Variants in ZFHX3 observed in about 807,000 individuals in gnomAD.
The protein encoded by ZFHX3 is zinc finger homeobox protein 3.
In ZFHX3, 42 loss-of-function variants were observed where a neutral mutation model predicts 279.1. The observed-to-expected ratio is 0.15, with a 90% CI of 0.12 to 0.19. The LOEUF (loss-of-function observed/expected upper bound fraction) is 0.19. Ranked by LOEUF, ZFHX3 falls within the 10% of genes least tolerant of loss-of-function variation. ZFHX3 has a pLI of 1.00. For missense variants in ZFHX3, 4,981 were observed against 4,754.0 expected (o/e 1.05, Z -1.40); for synonymous variants, 2,293 against 1,957.8 (o/e 1.17, Z -4.52).
At chr16:73,616,426 AG>A (rs1414049055) in intron 2 of ZFHX3, among the ~76,000 whole-genome samples, 3 of 121,866 alleles carry the variant, frequency 2.5e-5, no homozygotes, top group African/African-American at 6.6e-5. Flanking sequence ...GCAACTATGG[AG>A]GAAAAAAAAA....
chr16:73,389,886 C>T (rs988594745), intron 3 of ZFHX3, among the ~76,000 whole-genome samples: 4 of 152,126 alleles, frequency 2.6e-5, no homozygotes, highest in African/African-American at 4.8e-5. Flanking sequence ...ACAGTGAAAC[C>T]TCATCTCTAC....
chr16:73,704,741 G>A (rs73599923), intron 1 of ZFHX3, among the ~76,000 whole-genome samples: 3,122 of 152,292 alleles, frequency 0.021, 115 homozygotes, highest in African/African-American at 0.072. Context: ...CAGAGGAGCC[G>A]GGGTATAGCC....
chr16:73,235,378 C>T lies in ZFHX3; in HGVS notation c.-1104+21669G>A, dbSNP rs750589149. The stretch of plus-strand genomic sequence containing the variant: ...TGCCTACATGGTGAGGCACCATGCC[C>T]GGCCACTTTTTCTTTATTTTAACCA... On this transcript the variant is annotated intron_variant, in intron 5 of 17. Coordinates refer to the ZFHX3 transcript ENST00000641206. 6.3e-4 allele frequency among the ~76,000 whole-genome samples: 96 copies of T among 152,298 alleles called. 1 individual carries two copies. Among genetic ancestry groups the T allele is most frequent in the Non-Finnish European group, 1.1e-3 (72 of 68,032 alleles).
intron 2 of ZFHX3, among the ~76,000 whole-genome samples, chr16:73,498,870 G>A (rs907295165): frequency 2.6e-5 from 4 of 152,146 alleles, no homozygotes. Context: ...CCAATAGCTG[G>A]GCGGGGCAGG....
intron 3 of ZFHX3, among the ~76,000 whole-genome samples, chr16:72,927,285 C>A (rs1453198556): frequency 1.3e-5 from 2 of 152,164 alleles, no homozygotes; most frequent in Non-Finnish European, 1.5e-5. Context: ...CCCTGTGTCA[C>A]AGTAATCCTT....
intron 1 of ZFHX3, among the ~76,000 whole-genome samples, chr16:73,806,082 C>T (rs1211248155): frequency 1.3e-5 from 2 of 152,166 alleles, no homozygotes; most frequent in East Asian, 1.9e-4. Context: ...GAATGGGTGA[C>T]GAGCAAAGGG....
At chr16:73,072,605 C>T (rs1567657390) in intron 8 of ZFHX3, among the ~76,000 whole-genome samples, 1 of 152,296 alleles carries the variant, frequency 6.6e-6, no homozygotes, top group East Asian at 1.9e-4. Context: ...TGCTTTGTCA[C>T]CCAGGCTGGA....
At chr16:73,547,429 T>A (rs2020138029) in intron 2 of ZFHX3, among the ~76,000 whole-genome samples, 1 of 152,246 alleles carries the variant, frequency 6.6e-6, no homozygotes, top group African/African-American at 2.4e-5. Flanking sequence ...TCAGCCTCTC[T>A]CCTGAAACAT....
At position 72,796,254 on chromosome 16, in the gene ZFHX3, T is replaced by C. The variant is rs1227423998; in HGVS notation, c.6428A>G (p.Gln2143Arg). ...CCTGGTGCGAGGCCTCTTGTTCTGC[T>C]GCTGGAGCAGGGTTGGATTGAGCTG... The part of the protein sequence containing the change: ...QHQLNPTLLQ[Q>R]QNKRPRTRIT... Residue 2143 changes from glutamine to arginine, a missense_variant, in exon 9 of 10, where the codon CAG (glutamine) becomes CGG (arginine). This residue lies in a region of ZFHX3 where 1,751 missense variants were observed against 1,770.0 expected (regional missense o/e 0.99). Transcript: ENST00000268489. 1.2e-6 allele frequency: 2 copies of C among 1,614,016 alleles called. No individual in the cohort carries two copies. The highest frequency in any genetic ancestry group is 1.7e-6 in the Non-Finnish European group (2 of 1,180,036).
At chr16:73,133,944 C>G (rs925844766) in intron 6 of ZFHX3, among the ~76,000 whole-genome samples, 3 of 152,168 alleles carry the variant, frequency 2.0e-5, no homozygotes, top group Non-Finnish European at 4.4e-5. Context: ...GGACTGATGG[C>G]TTTCCAGTCA....
At chr16:72,991,072 G>T (rs1162672260) in intron 1 of ZFHX3, among the ~76,000 whole-genome samples, 1 of 88,218 alleles carries the variant, frequency 1.1e-5, no homozygotes, top group African/African-American at 4.2e-5. Flanking sequence ...ATAGCATTAG[G>T]ATAATATAGT....
intron 1 of ZFHX3, among the ~76,000 whole-genome samples, chr16:73,761,639 T>C (rs954135137): frequency 6.6e-6 from 1 of 152,004 alleles, no homozygotes; most frequent in African/African-American, 2.4e-5. Flanking sequence ...AACAGACACA[T>C]AGACCAATGG....
intron 5 of ZFHX3, among the ~76,000 whole-genome samples, chr16:73,151,569 G>A (rs1186444938): frequency 1.3e-5 from 1 of 79,284 alleles, no homozygotes; most frequent in Non-Finnish European, 2.6e-5. Flanking sequence ...ATACCTGCCC[G>A]GGCATAGGAA....
chr16:72,933,119 C>T (rs188641702), intron 3 of ZFHX3, among the ~76,000 whole-genome samples: 5 of 152,180 alleles, frequency 3.3e-5, no homozygotes, highest in African/African-American at 7.2e-5. Flanking sequence ...AACATGTGCC[C>T]GGCATCTCGT....
At chr16:73,698,143 G>T (rs750184971) in intron 1 of ZFHX3, among the ~76,000 whole-genome samples, 1 of 151,882 alleles carries the variant, frequency 6.6e-6, no homozygotes, top group South Asian at 2.1e-4. Context: ...TTGTACCATG[G>T]TTATGGTACA....
intron 2 of ZFHX3, among the ~76,000 whole-genome samples, chr16:73,630,735 A>G (rs1250753058): frequency 6.6e-6 from 1 of 152,262 alleles, no homozygotes; most frequent in Non-Finnish European, 1.5e-5. Context: ...CAGAGAAAGA[A>G]GCAAGAAAAG....
chr16:72,957,164 T>C lies in ZFHX3; in HGVS notation c.2719+263A>G, dbSNP rs376759858. On this transcript the variant is annotated intron_variant, in intron 2 of 9. Transcript: ENST00000268489. ...GAAAGAGAGAATGGGAACAGAAAAC[T>C]AGAGGAAACACTCACATTTTAATCC... Among the ~76,000 whole-genome samples the C allele has an allele frequency of 6.8e-4, 103 of 152,344 alleles. 1 individual carries two copies. In the South Asian group the frequency reaches 0.02, roughly 30 times the overall value.
chr16:72,933,850 G>A (rs1348499834), intron 3 of ZFHX3, among the ~76,000 whole-genome samples: 2 of 125,312 alleles, frequency 1.6e-5, no homozygotes, highest in Non-Finnish European at 3.3e-5. Flanking sequence ...ACAGAGTCTC[G>A]CTCTGTCGCC....
chr16:73,846,459 C>G (rs906054962), intron 1 of ZFHX3, among the ~76,000 whole-genome samples: 1 of 152,142 alleles, frequency 6.6e-6, no homozygotes, highest in African/African-American at 2.4e-5. Flanking sequence ...TTCACTGTAT[C>G]AAGCTGTGAC....
Sources: gnomAD v4.1 joint callset for allele counts (sites outside exome capture counted in the v4.1 genomes callset) on GRCh38, gnomAD v4.1.1 for gene constraint, gnomAD v4.1.1 regional missense constraint, MANE v1.5 for transcripts, NCBI Gene and HGNC (gene_info 2026-07-23, HGNC 2026-07-21) for gene names.